The following SESTD1 variants were observed in gnomAD, a reference collection of about 807,000 sequenced individuals.
SESTD1 encodes the protein SEC14 and spectrin domain containing 1, also known as SEC14 domain and spectrin repeat-containing protein 1.
A neutral mutation model predicts 101.7 loss-of-function variants in SESTD1; 43 were observed. The observed-to-expected ratio is 0.42, with a 90% CI of 0.33 to 0.55. The LOEUF (loss-of-function observed/expected upper bound fraction) is 0.55, where lower values mean the gene tolerates loss of function less well. Ranked by LOEUF, SESTD1 falls within the 20% of genes least tolerant of loss-of-function variation. The pLI, the probability that SESTD1 is intolerant of heterozygous loss-of-function variation, is 0.07. For missense variants in SESTD1, 647 were observed against 815.1 expected (o/e 0.79, Z 2.51); for synonymous variants, 283 against 286.8 (o/e 0.99, Z 0.13).
rs572345293 is a variant in SESTD1, at chr2:179,230,418, G to A, written c.-26+34081C>T. 2.0e-3 allele frequency among the ~76,000 whole-genome samples: 311 copies of A among 152,140 alleles called. 1 individual carries two copies. The highest frequency in any genetic ancestry group is 0.016 in the South Asian group (79 of 4,818). ...CCCAAAGTTCTGGCATTACAGACAT[G>A]AGCCACTGCACCCGGCCTGAATTGT... On this transcript the variant is annotated intron_variant, in intron 1 of 17. Coordinates refer to ENST00000428443, the MANE Select transcript of SESTD1 (RefSeq NM_178123.5).
intron 9 of SESTD1, among the ~76,000 whole-genome samples, chr2:179,142,430 AAGAG>A (rs1027569457): frequency 6.6e-6 from 1 of 152,226 alleles, no homozygotes; most frequent in Non-Finnish European, 1.5e-5. Flanking sequence ...GAGGGAAAGA[AAGAG>A]AGGAAAAGAG....
At chr2:179,256,934 C>T (rs1176277175) in intron 1 of SESTD1, among the ~76,000 whole-genome samples, 1 of 151,218 alleles carries the variant, frequency 6.6e-6, no homozygotes, top group East Asian at 1.9e-4. Context: ...CAAATGACAA[C>T]AAAGGATTTA....
chr2:179,152,664 G>T (rs1451800535), intron 5 of SESTD1, among the ~76,000 whole-genome samples: 1 of 152,084 alleles, frequency 6.6e-6, no homozygotes, highest in Admixed American at 6.6e-5. Context: ...TGCTTTGCCG[G>T]AAGAGGGAAA....
rs1396924712 is a variant in SESTD1 at position 179,107,608 on chromosome 2, A to T, written c.*2291T>A. 4 of 152,152 alleles carry T rather than the reference A, an allele frequency of 2.6e-5. No homozygotes were observed. Among genetic ancestry groups the T allele is most frequent in the Non-Finnish European group, 4.4e-5 (3 of 68,006 alleles). 9.4% of individuals were successfully genotyped at this position (152,152 alleles called of 1,614,324 possible). On this transcript the variant is annotated 3_prime_UTR_variant, in exon 18 of 18. Coordinates refer to ENST00000428443, the MANE Select transcript of SESTD1 (RefSeq NM_178123.5). ...AGTAGTTAGTATCTAAGAATCTAAG[A>T]ATAGATTCACTTGTAAGTCAGTTCT...
intron 1 of SESTD1, among the ~76,000 whole-genome samples, chr2:179,223,656 G>A (rs2046844314): frequency 6.6e-6 from 1 of 151,998 alleles, no homozygotes; most frequent in African/African-American, 2.4e-5. Context: ...ATTGCCATGA[G>A]AAACTTCACT....
chr2:179,138,713 G>C (rs954656090), intron 9 of SESTD1, among the ~76,000 whole-genome samples: 12 of 151,208 alleles, frequency 7.9e-5, no homozygotes, highest in Non-Finnish European at 4.4e-5. Context: ...TAAAATACAC[G>C]CCAAAAAAAC....
At chr2:179,181,211 A>G in intron 3 of SESTD1, among the ~76,000 whole-genome samples, 1 of 152,112 alleles carries the variant, frequency 6.6e-6, no homozygotes, top group East Asian at 1.9e-4. Context: ...CGCCAGAGTG[A>G]ACATGAGCCC....
In SESTD1 at chr2:179,101,821, TAAA is replaced by T. The variant is rs2044281636; in HGVS notation, c.*8075_*8077del. On this transcript the variant is annotated 3_prime_UTR_variant, in exon 18 of 18. Transcript: ENST00000428443. Reference sequence around the variant, plus strand: ...AGAGATGGATGGATACTCTAACATGTAAAGTAAACATGTCCATTAATAACAAAT... The same window carrying T: ...AGAGATGGATGGATACTCTAACATGTGTAAACATGTCCATTAATAACAAAT... The T allele has an allele frequency of 2.6e-5, 4 of 152,296 alleles. No homozygotes were observed. The highest frequency in any genetic ancestry group is 1.9e-4 in the East Asian group (1 of 5,192). 9.4% of individuals were successfully genotyped at this position (152,296 alleles called of 1,614,324 possible).
At position 179,151,408 on chromosome 2, in the gene SESTD1, A is replaced by G. The variant is rs1268005077; in HGVS notation, c.370-17T>C. ...TAAAATAACCTATAAAAAGGTTAAA[A>G]GAAAAGAAACATTTAGTAACCCACT... On this transcript the variant is annotated splice_polypyrimidine_tract_variant and intron_variant, in intron 5 of 17. Coordinates refer to ENST00000428443, the MANE Select transcript of SESTD1 (RefSeq NM_178123.5). 4 of 1,561,722 alleles carry G rather than the reference A, an allele frequency of 2.6e-6. No individual in the cohort carries two copies. The Admixed American group carries it at 5.9e-5, about 23-fold the overall frequency.
intron 2 of SESTD1, among the ~76,000 whole-genome samples, chr2:179,188,015 T>C (rs56058031): frequency 0.41 from 61,646 of 151,956 alleles, 14,624 homozygotes; most frequent in East Asian, 0.73. Context: ...CCGATAGAGT[T>C]AGACAGATCA....
intron 1 of SESTD1, among the ~76,000 whole-genome samples, chr2:179,220,620 T>G (rs2046801769): frequency 6.6e-6 from 1 of 152,204 alleles, no homozygotes; most frequent in African/African-American, 2.4e-5. Context: ...AAGGCATGCA[T>G]GTGTCCACTA....
At chr2:179,162,823 A>T (rs2045762698) in intron 5 of SESTD1, among the ~76,000 whole-genome samples, 1 of 248 alleles carries the variant, frequency 4.0e-3, no homozygotes, top group East Asian at 0.1. Flanking sequence ...CGTCTCTAGT[A>T]AAAAAAAAAA....
chr2:179,151,212 G>A, intron 6 of SESTD1, 66 bp downstream of exon 6: 2 of 1,116,278 alleles, frequency 1.8e-6, no homozygotes. Flanking sequence ...AGACTAAAAT[G>A]ATAAAGTTAT....
At chr2:179,138,489 A>T (rs554664162) in intron 9 of SESTD1, among the ~76,000 whole-genome samples, 28 of 152,292 alleles carry the variant, frequency 1.8e-4, no homozygotes, top group South Asian at 6.2e-4. Context: ...AGTTGTCCGA[A>T]TCAAAATGGA....
intron 1 of SESTD1, among the ~76,000 whole-genome samples, chr2:179,209,726 G>A (rs565342077): frequency 7.4e-6 from 1 of 134,256 alleles, no homozygotes; most frequent in East Asian, 2.0e-4. Flanking sequence ...TAAGAGGAAA[G>A]CTCATAGCAT....
intron 1 of SESTD1, among the ~76,000 whole-genome samples, chr2:179,209,291 T>C (rs959949120): frequency 7.5e-6 from 1 of 133,662 alleles, no homozygotes; most frequent in Non-Finnish European, 1.6e-5. Flanking sequence ...TACAATACTC[T>C]CCTGACAGCA....
At chr2:179,145,175 T>C (rs1416410663) in intron 8 of SESTD1, among the ~76,000 whole-genome samples, 1 of 152,230 alleles carries the variant, frequency 6.6e-6, no homozygotes, top group Non-Finnish European at 1.5e-5. Flanking sequence ...ATAAAAGCTA[T>C]GAATATCAGA....
At chr2:179,244,210 A>G (rs2047196577) in intron 1 of SESTD1, among the ~76,000 whole-genome samples, 1 of 152,134 alleles carries the variant, frequency 6.6e-6, no homozygotes, top group Non-Finnish European at 1.5e-5. Flanking sequence ...TAATCCCAGC[A>G]CTTTGTGAGG....
At chr2:179,115,314 G>A (rs1188987100) in intron 15 of SESTD1, 58 bp from the exon 16 acceptor site, 6 of 1,333,984 alleles carry the variant, frequency 4.5e-6, no homozygotes, top group Non-Finnish European at 6.1e-6. Flanking sequence ...AGAAGGATGG[G>A]GAAAGTGTGC....
Sources: allele counts gnomAD v4.1 joint callset (sites outside exome capture counted in the v4.1 genomes callset), GRCh38; gene constraint gnomAD v4.1.1; transcripts MANE v1.5; gene names NCBI Gene and HGNC (gene_info 2026-07-23, HGNC 2026-07-21).